Variants in PLXNA4 observed in about 807,000 individuals in gnomAD.
PLXNA4 encodes the protein plexin-A4.
A neutral mutation model predicts 191.8 loss-of-function variants in PLXNA4; 44 were observed. The ratio of observed to expected loss-of-function variants is 0.23; its 90% confidence interval spans 0.18 to 0.29. The LOEUF (loss-of-function observed/expected upper bound fraction) is 0.29. Among genes scored for constraint, PLXNA4 ranks in the 10% least tolerant of loss-of-function variants. The probability of loss-of-function intolerance (pLI) is 1.00; values close to 1 mark genes in which losing one functional copy is unlikely to be tolerated. For synonymous variants in PLXNA4, 1,082 were observed against 1,009.5 expected, an observed-to-expected ratio of 1.07 and a Z score of -1.36; for missense variants, 1,800 against 2,488.8, an observed-to-expected ratio of 0.72 and a Z score of 5.89.
intron 4 of PLXNA4, among the ~76,000 whole-genome samples, chr7:132,290,036 A>G (rs1800827751): frequency 6.6e-6 from 1 of 152,186 alleles, no homozygotes; most frequent in Non-Finnish European, 1.5e-5. Flanking sequence ...ACTCACCTCC[A>G]GGCCCACCTC....
At chr7:132,595,203 C>A (rs976083694) in intron 2 of PLXNA4, among the ~76,000 whole-genome samples, 5 of 152,130 alleles carry the variant, frequency 3.3e-5, no homozygotes, top group African/African-American at 4.8e-5. Flanking sequence ...ACCTCCAGCA[C>A]CCAGCAGTGA....
At chr7:132,275,715 G>A (rs2116358237) in intron 4 of PLXNA4, among the ~76,000 whole-genome samples, 1 of 152,290 alleles carries the variant, frequency 6.6e-6, no homozygotes, top group Admixed American at 6.5e-5. Context: ...CGATGGAAAT[G>A]AGTCGCCAGC....
chr7:132,444,490 C>G (rs183447625), intron 3 of PLXNA4, among the ~76,000 whole-genome samples: 2 of 152,208 alleles, frequency 1.3e-5, no homozygotes, highest in Non-Finnish European at 2.9e-5. Context: ...CTTGACCTCC[C>G]AAAGTGCTGG....
chr7:132,501,145 T>G (rs1429096051), intron 2 of PLXNA4, among the ~76,000 whole-genome samples: 2 of 151,576 alleles, frequency 1.3e-5, no homozygotes, highest in Non-Finnish European at 2.9e-5. Context: ...CTGAGCAGAG[T>G]GTGTGGGGGT....
chr7:132,186,034 T>C (rs1457514002), intron 15 of PLXNA4, among the ~76,000 whole-genome samples: 2 of 152,182 alleles, frequency 1.3e-5, no homozygotes, highest in Non-Finnish European at 2.9e-5. Context: ...TCTTTAACAC[T>C]ACTGATGCCA....
upstream of PLXNA4, among the ~76,000 whole-genome samples, chr7:132,579,523 C>CTTT (rs540721748): frequency 0.018 from 2,242 of 126,132 alleles, 61 homozygotes; most frequent in African/African-American, 0.054. Context: ...AGTCAAAGAC[C>CTTT]TTTTTTTTTT....
intron 3 of PLXNA4, among the ~76,000 whole-genome samples, chr7:132,437,138 G>A (rs1020682340): frequency 1.3e-5 from 2 of 152,194 alleles, no homozygotes; most frequent in Admixed American, 1.3e-4. Flanking sequence ...TGAGTCCTCA[G>A]ATGAAAATGG....
At chr7:132,578,342 C>T (rs761273564), upstream of PLXNA4, among the ~76,000 whole-genome samples, 2 of 152,176 alleles carry the variant, frequency 1.3e-5, no homozygotes, top group Non-Finnish European at 2.9e-5. Context: ...CCAGCAAGGA[C>T]GACCCTCTAA....
At chr7:132,383,697 T>G (rs1177741385) in intron 3 of PLXNA4, 1 of 982,856 alleles carries the variant, frequency 1.0e-6, no homozygotes, top group Non-Finnish European at 1.2e-6. Flanking sequence ...CAATTTTTGA[T>G]AGACTAAATA....
At chr7:132,342,106 C>A (rs909100016) in intron 3 of PLXNA4, among the ~76,000 whole-genome samples, 20 of 151,640 alleles carry the variant, frequency 1.3e-4, no homozygotes, top group African/African-American at 4.9e-4. Flanking sequence ...AATCTGGCTT[C>A]AAGGAGACCA....
At chr7:132,370,926 G>A (rs755067962) in intron 3 of PLXNA4, among the ~76,000 whole-genome samples, 14 of 152,332 alleles carry the variant, frequency 9.2e-5, no homozygotes, top group Admixed American at 7.2e-4. Flanking sequence ...CCTATGGCAG[G>A]CAGGGAGAGC....
At chr7:132,189,742 G>T (rs1053408967) in intron 14 of PLXNA4, among the ~76,000 whole-genome samples, 1 of 152,156 alleles carries the variant, frequency 6.6e-6, no homozygotes, top group Non-Finnish European at 1.5e-5. Flanking sequence ...AAGTGTGATA[G>T]ATGGGGGTTC....
intron 20 of PLXNA4, among the ~76,000 whole-genome samples, chr7:132,175,836 C>A (rs1201607788): frequency 6.6e-6 from 1 of 152,228 alleles, no homozygotes; most frequent in Non-Finnish European, 1.5e-5. Flanking sequence ...CATGGACCAC[C>A]AGGATGGATT....
chr7:132,644,418 C>T (rs777772702), intron 2 of PLXNA4, among the ~76,000 whole-genome samples: 2 of 152,194 alleles, frequency 1.3e-5, no homozygotes, highest in African/African-American at 4.8e-5. Flanking sequence ...TAGACTTGGT[C>T]GTGGCCTGTG....
At chr7:132,523,550 A>T (rs1263988957) in intron 1 of PLXNA4, among the ~76,000 whole-genome samples, 3 of 152,228 alleles carry the variant, frequency 2.0e-5, no homozygotes, top group East Asian at 3.8e-4. Context: ...GAGACAGCAG[A>T]TGCCGGAGGG....
chr7:132,485,708 TGTA>T (rs1797532109), intron 3 of PLXNA4, among the ~76,000 whole-genome samples: 1 of 152,204 alleles, frequency 6.6e-6, no homozygotes, highest in African/African-American at 2.4e-5. Flanking sequence ...TGCTTATGAC[TGTA>T]GTATTTATAG....
At chr7:132,191,421 T>C (rs926337680) in intron 14 of PLXNA4, among the ~76,000 whole-genome samples, 1 of 152,080 alleles carries the variant, frequency 6.6e-6, no homozygotes, top group Non-Finnish European at 1.5e-5. Flanking sequence ...ACAGCCTGGG[T>C]GGGCCAAGTG....
intron 3 of PLXNA4, among the ~76,000 whole-genome samples, chr7:132,324,290 C>A (rs2116654021): frequency 6.6e-6 from 1 of 152,272 alleles, no homozygotes; most frequent in African/African-American, 2.4e-5. Flanking sequence ...GAAAATGTCC[C>A]AGCAGATTTG....
chr7:132,287,704 C>T (rs532760654), intron 4 of PLXNA4, among the ~76,000 whole-genome samples: 3 of 152,154 alleles, frequency 2.0e-5, no homozygotes, highest in African/African-American at 4.8e-5. Context: ...TGTAGAAACA[C>T]GTCAGTCAGA....
Sources: gnomAD v4.1 joint callset for allele counts (sites outside exome capture counted in the v4.1 genomes callset) on GRCh38, gnomAD v4.1.1 for gene constraint, MANE v1.5 for transcripts, NCBI Gene and HGNC (gene_info 2026-07-23, HGNC 2026-07-21) for gene names.